CEMIP: variants seen among roughly 807,000 people sequenced by gnomAD.
CEMIP encodes cell migration-inducing and hyaluronan-binding protein.
CEMIP carries 105 observed loss-of-function variants against 156.9 expected under a neutral mutation model. The observed-to-expected ratio is 0.67, with a 90% CI of 0.57 to 0.79. CEMIP has a LOEUF of 0.79. Ranked by LOEUF, CEMIP falls within the 30% of genes least tolerant of loss-of-function variation. The probability of loss-of-function intolerance (pLI) is 0.00; values close to 1 mark genes in which losing one functional copy is unlikely to be tolerated. For synonymous variants in CEMIP, 676 were observed against 668.4 expected, an observed-to-expected ratio of 1.01 and a Z score of -0.17; for missense variants, 1,457 against 1,769.4, an observed-to-expected ratio of 0.82 and a Z score of 3.17.
intron 1 of CEMIP, among the ~76,000 whole-genome samples, chr15:80,800,326 C>CGAGAGAG (rs906573429): frequency 4.1e-4 from 62 of 152,090 alleles, no homozygotes; most frequent in Admixed American, 2.2e-3. Context: ...CTGGGACTGC[C>CGAGAGAG]GAGAGAGCAG....
intron 8 of CEMIP, 41 bp downstream of exon 8, chr15:80,887,805 C>G: frequency 1.3e-6 from 2 of 1,491,584 alleles, no homozygotes; most frequent in Non-Finnish European, 1.9e-6. Context: ...CCTCCAGTGT[C>G]TCTCTGATCA....
At chr15:80,839,979 C>A (rs1596125106) in intron 1 of CEMIP, among the ~76,000 whole-genome samples, 1 of 152,210 alleles carries the variant, frequency 6.6e-6, no homozygotes, top group South Asian at 2.1e-4. Context: ...TCCAAGGCCA[C>A]CCAGCTGGGA....
chr15:80,815,913 A>G lies in CEMIP; in HGVS notation c.-176+36299A>G, dbSNP rs61036068. ...GATGGTGAGGTGCTTTTTCCAGCAT[A>G]GAAACTTTCCTTGGCCGAGGAAAGG... On this transcript the variant is annotated intron_variant, in intron 1 of 29. Transcript: ENST00000394685. 5.6e-3 allele frequency among the ~76,000 whole-genome samples: 857 copies of G among 152,276 alleles called. 6 individuals carry two copies. Among genetic ancestry groups the G allele is most frequent in the African/African-American group, 0.019 (789 of 41,564 alleles).
At chr15:80,835,715 C>T (rs1029157175) in intron 1 of CEMIP, among the ~76,000 whole-genome samples, 2 of 152,182 alleles carry the variant, frequency 1.3e-5, no homozygotes, top group African/African-American at 4.8e-5. Context: ...GGTTGGTGGG[C>T]ACCTGGGATT....
At chr15:80,898,663 C>A (rs1338316552) in intron 12 of CEMIP, among the ~76,000 whole-genome samples, 1 of 152,208 alleles carries the variant, frequency 6.6e-6, no homozygotes, top group East Asian at 1.9e-4. Context: ...CCTCCCTCCT[C>A]AGCCCTCCCA....
At chr15:80,928,508 C>T (rs1900779663) in intron 19 of CEMIP, among the ~76,000 whole-genome samples, 1 of 152,162 alleles carries the variant, frequency 6.6e-6, no homozygotes, top group African/African-American at 2.4e-5. Flanking sequence ...CATTCACATA[C>T]TCCACCTTTC....
rs149790275 is a variant in CEMIP, at chr15:80,793,913, T to C, written c.-176+14299T>C. 7.1e-3 allele frequency among the ~76,000 whole-genome samples: 1,088 copies of C among 152,348 alleles called. 12 individuals carry two copies. Among genetic ancestry groups the C allele is most frequent in the African/African-American group, 0.024 (982 of 41,578 alleles). On this transcript the variant is annotated intron_variant, in intron 1 of 29. Transcript: ENST00000394685. ...ACTGGGCATCCCCGCCAGAAATTCTTAATAGGTGCTCATTACAGTTTTATT... is the reference window on the plus strand; with the variant it reads ...ACTGGGCATCCCCGCCAGAAATTCTCAATAGGTGCTCATTACAGTTTTATT...
intron 8 of CEMIP, among the ~76,000 whole-genome samples, chr15:80,888,375 T>C (rs114974645): frequency 2.3e-3 from 350 of 152,052 alleles, no homozygotes; most frequent in African/African-American, 8.2e-3. Context: ...CAGGACACAG[T>C]AGTAGCCTCC....
intron 1 of CEMIP, among the ~76,000 whole-genome samples, chr15:80,860,409 G>A (rs111236826): frequency 5.3e-5 from 8 of 152,264 alleles, no homozygotes; most frequent in African/African-American, 1.4e-4. Context: ...GTTGTAAGTC[G>A]GGCCCACACA....
intron 1 of CEMIP, among the ~76,000 whole-genome samples, chr15:80,818,070 A>C (rs932768298): frequency 6.6e-6 from 1 of 152,208 alleles, no homozygotes; most frequent in Non-Finnish European, 1.5e-5. Flanking sequence ...AGTGTTTGTA[A>C]AAGTCAGGAT....
chr15:80,936,905 G>A lies in CEMIP; in HGVS notation c.3221+20G>A, dbSNP rs1901148151. On this transcript the variant is annotated intron_variant, in intron 24 of 29. Coordinates refer to ENST00000394685, the MANE Select transcript of CEMIP (RefSeq NM_001293298.2). ...CAACAAGTGAGTGGGTGTCCAGCCA[G>A]GAGCAGTGAGCTCAAAGCTGATAAC... The A allele has an allele frequency of 6.2e-6, 10 of 1,610,092 alleles. No homozygotes were observed. In the South Asian group the frequency reaches 1.1e-4, roughly 18 times the overall value.
intron 1 of CEMIP, among the ~76,000 whole-genome samples, chr15:80,833,962 G>C (rs1333646490): frequency 6.6e-6 from 1 of 152,180 alleles, no homozygotes; most frequent in African/African-American, 2.4e-5. Flanking sequence ...GAGTCACTGT[G>C]CTCAGCCTTC....
chr15:80,785,665 G>A (rs185560289), intron 1 of CEMIP, among the ~76,000 whole-genome samples: 188 of 152,294 alleles, frequency 1.2e-3, no homozygotes, highest in African/African-American at 3.4e-3. Context: ...ACCTGCTGGA[G>A]AAATGAAGAA....
At chr15:80,811,267 C>T (rs1896666143) in intron 1 of CEMIP, among the ~76,000 whole-genome samples, 1 of 152,176 alleles carries the variant, frequency 6.6e-6, no homozygotes, top group African/African-American at 2.4e-5. Flanking sequence ...TGACAGTTGT[C>T]CATTGCTGAA....
At chr15:80,942,838 A>T in intron 27 of CEMIP, 107 bp from the exon 28 acceptor site, 1 of 1,273,074 alleles carries the variant, frequency 7.9e-7, no homozygotes, top group Non-Finnish European at 1.1e-6. Context: ...CTTCAAATAG[A>T]TGCATAGGCA....
At chr15:80,948,362 A>T in intron 29 of CEMIP, 1 of 293,844 alleles carries the variant, frequency 3.4e-6, no homozygotes, top group Non-Finnish European at 6.8e-6. Flanking sequence ...TTCTAGAGCC[A>T]CAGAGTGATA....
chr15:80,893,567 C>T (rs34945014), intron 10 of CEMIP, among the ~76,000 whole-genome samples: 2,307 of 152,250 alleles, frequency 0.015, 58 homozygotes, highest in African/African-American at 0.051. Context: ...CTTCAGGAGG[C>T]CCGAGGAGCT....
chr15:80,808,693 G>A (rs1173705405), intron 1 of CEMIP, among the ~76,000 whole-genome samples: 1 of 151,838 alleles, frequency 6.6e-6, no homozygotes. Flanking sequence ...AGTAGTTTGG[G>A]TAGCATCTGC....
chr15:80,794,455 T>C (rs559129456), intron 1 of CEMIP, among the ~76,000 whole-genome samples: 39 of 152,338 alleles, frequency 2.6e-4, no homozygotes, highest in Non-Finnish European at 4.9e-4. Context: ...AGAGCAGTGC[T>C]GTCCAGGAGA....
Sources: allele counts gnomAD v4.1 joint callset (sites outside exome capture counted in the v4.1 genomes callset), GRCh38; gene constraint gnomAD v4.1.1; transcripts MANE v1.5; gene names NCBI Gene and HGNC (gene_info 2026-07-23, HGNC 2026-07-21).